Variants in PNPLA7 observed in about 807,000 individuals in gnomAD.
The protein encoded by PNPLA7 is patatin-like phospholipase domain-containing protein 7.
A neutral mutation model predicts 161.7 loss-of-function variants in PNPLA7; 153 were observed. That is an observed-to-expected ratio of 0.95 (90% CI 0.83 to 1.08). PNPLA7 has a LOEUF of 1.08. PNPLA7 is among the 50% of genes least tolerant of loss of function. The pLI, the probability that PNPLA7 is intolerant of heterozygous loss-of-function variation, is 0.00. For missense variants in PNPLA7, 1,739 were observed against 1,856.6 expected (o/e 0.94, Z 1.16); for synonymous variants, 809 against 782.1 (o/e 1.03, Z -0.57).
chr9:137,516,580 G>A (rs1834583347), intron 11 of PNPLA7: 69 of 956,740 alleles, frequency 7.2e-5, no homozygotes, highest in Non-Finnish European at 8.6e-5. Flanking sequence ...AGGCCAAGGT[G>A]GGAGGATCAC....
intron 8 of PNPLA7, among the ~76,000 whole-genome samples, chr9:137,527,853 A>AAGTATTCCCCAGTGAAGTC (rs1349718034): frequency 4.6e-5 from 7 of 152,208 alleles, no homozygotes; most frequent in African/African-American, 7.2e-5. Flanking sequence ...AAATGTTGGG[A>AAGTATTCCCCAGTGAAGTC]AGTATTCCCC....
rs1479370197 is a variant in PNPLA7 at position 137,523,350 on chromosome 9, C to T, written c.748-493G>A. ...TGGGGTCACCGCCTAGGACAGGGAGCGCGCACTGCCGGGTCGCACGAGGCC... is the reference window on the plus strand; with the variant it reads ...TGGGGTCACCGCCTAGGACAGGGAGTGCGCACTGCCGGGTCGCACGAGGCC... On this transcript the variant is annotated intron_variant, in intron 8 of 34. Transcript: ENST00000406427. This position sits in a 1 kb window ranked among gnomAD's most constrained non-coding sequence, Gnocchi z 4.4. Among the ~76,000 whole-genome samples, 3 of 151,980 alleles carry T rather than the reference C, an allele frequency of 2.0e-5. No homozygotes were observed. The highest frequency in any genetic ancestry group is 6.5e-5 in the Admixed American group (1 of 15,268).
In PNPLA7 at chr9:137,498,251, G is replaced by C. The variant is rs751491885; in HGVS notation, c.1758-6C>G. On this transcript the variant is annotated splice_region_variant and splice_polypyrimidine_tract_variant and intron_variant, in intron 16 of 34. Coordinates refer to ENST00000406427, the MANE Select transcript of PNPLA7 (RefSeq NM_001098537.3). ...TCGGCTGCTTCCGCATGATTCTGCCGGGCAGCCCAGAGTCAATCCTGCCCC... is the reference window on the plus strand; with the variant it reads ...TCGGCTGCTTCCGCATGATTCTGCCCGGCAGCCCAGAGTCAATCCTGCCCC... 28 of 1,609,384 alleles carry C rather than the reference G, an allele frequency of 1.7e-5. No individual in the cohort carries two copies. The highest frequency in any genetic ancestry group is 2.1e-5 in the Non-Finnish European group (25 of 1,179,918).
intron 21 of PNPLA7, 72 bp from the exon 22 acceptor site, chr9:137,481,095 C>A: frequency 6.7e-7 from 1 of 1,497,650 alleles, no homozygotes; most frequent in East Asian, 2.5e-5. Flanking sequence ...GCACCGACAC[C>A]CAGCAAGGTA....
chr9:137,462,063 CG>C, intron 31 of PNPLA7, 22 bp from the exon 32 acceptor site: 1 of 1,554,430 alleles, frequency 6.4e-7, no homozygotes, highest in African/African-American at 1.4e-5. Context: ...CCCAGGGCCC[CG>C]TCAGGAGGTG....
chr9:137,544,732 C>T (rs1836395991), intron 4 of PNPLA7, among the ~76,000 whole-genome samples: 1 of 152,198 alleles, frequency 6.6e-6, no homozygotes, highest in African/African-American at 2.4e-5. Flanking sequence ...CAACCTCCGC[C>T]TCCTGGGTCC....
In PNPLA7 at chr9:137,547,056, C is replaced by T; in HGVS notation, c.194-147G>A. 1 of 790,786 alleles carries T rather than the reference C, an allele frequency of 1.3e-6. No individual in the cohort carries two copies. The highest frequency in any genetic ancestry group is 2.1e-6 in the Non-Finnish European group (1 of 485,232). The allele number at this position is 790,786 out of a possible 1,614,324, so 49.0% of individuals were successfully genotyped here. On this transcript the variant is annotated intron_variant, in intron 3 of 34. Transcript: ENST00000406427. The surrounding 1 kb of genome is among the most constrained non-coding windows in gnomAD (Gnocchi z 4.6). ...GCATGAGGGAAGAGGGCCTGAGTGA[C>T]AGGCTCATCTCCAACAAAGGGGGCT...
Position 137,545,836 on chromosome 9 carries a change from G to A in PNPLA7, c.273+994C>T, listed in dbSNP as rs141082300. Among the ~76,000 whole-genome samples, 427 of 145,678 alleles carry A rather than the reference G, an allele frequency of 2.9e-3. 2 individuals carry two copies. Among genetic ancestry groups the A allele is most frequent in the South Asian group, 0.018 (82 of 4,512 alleles). ...TCCTTGGTCTAGTGGTGACGCCAGC[G>A]TCTGGGAAGATGCCTGTTGCCAAGC... On this transcript the variant is annotated intron_variant, in intron 4 of 34. Transcript: ENST00000406427.
Position 137,547,249 on chromosome 9 carries a change from C to G in PNPLA7, c.193+60G>C. 6.5e-7 allele frequency: 1 copy of G among 1,530,864 alleles called. No homozygotes were observed. The allele number at this position is 1,530,864 out of a possible 1,614,324, so 94.8% of individuals were successfully genotyped here. A position where few individuals can be genotyped will look rare whatever the true frequency, so the allele number is the denominator to read the frequency against. Reference sequence around the variant, plus strand: ...CCCCTCCCAGGGGCTCAAAACACATCCCAAGACACCCACGCTTTCCCCCAA... The same window carrying G: ...CCCCTCCCAGGGGCTCAAAACACATGCCAAGACACCCACGCTTTCCCCCAA... On this transcript the variant is annotated intron_variant, in intron 3 of 34. Transcript: ENST00000406427. The surrounding 1 kb of genome is among the most constrained non-coding windows in gnomAD (Gnocchi z 4.6).
rs757389739 is a variant in PNPLA7, at chr9:137,541,279, C to T, written c.667-557G>A. On this transcript the variant is annotated intron_variant, in intron 7 of 34. Transcript: ENST00000406427. The surrounding 1 kb of genome is among the most constrained non-coding windows in gnomAD (Gnocchi z 4.4). ...CACGGGTTCTGGTCCTTCAGGAGGG[C>T]CCCGCACGAGCGGCAACGAAAGCCG... 5.6e-4 allele frequency: 139 copies of T among 248,224 alleles called. 2 individuals are homozygous for T. Among genetic ancestry groups the T allele is most frequent in the Admixed American group, 2.0e-4 (3 of 15,368 alleles). The allele number at this position is 248,224 out of a possible 1,614,324, so 15.4% of individuals were successfully genotyped here.
chr9:137,501,507 C>T (rs1387577606), intron 15 of PNPLA7, 143 bp downstream of exon 15: 7 of 795,100 alleles, frequency 8.8e-6, no homozygotes, highest in Non-Finnish European at 1.4e-5. Context: ...AGGGGCTCTG[C>T]CATGGTGCCC....
chr9:137,491,349 G>A (rs1476795705), intron 20 of PNPLA7: 26 of 518,716 alleles, frequency 5.0e-5, no homozygotes, highest in South Asian at 2.5e-4. Flanking sequence ...AATGGAAGAC[G>A]TAACAGAATA....
At chr9:137,494,587 A>ACCCTCACCTGCGCCCTG (rs1832939127) in intron 19 of PNPLA7, among the ~76,000 whole-genome samples, 2 of 137,036 alleles carry the variant, frequency 1.5e-5, no homozygotes, top group African/African-American at 5.5e-5. Flanking sequence ...CCTGCTCCGC[A>ACCCTCACCTGCGCCCTG]CCCTCACCTG....
Position 137,523,381 on chromosome 9 carries a change from G to C in PNPLA7, c.748-524C>G, listed in dbSNP as rs1027199823. ...CTGCCGGGTCGCACGAGGCCCAGGT[G>C]AGGAGCCACAGTGGCTCACCGCGTG... On this transcript the variant is annotated intron_variant, in intron 8 of 34. Coordinates refer to ENST00000406427, the MANE Select transcript of PNPLA7 (RefSeq NM_001098537.3). The surrounding 1 kb of genome is among the most constrained non-coding windows in gnomAD (Gnocchi z 4.4). 1.3e-5 allele frequency among the ~76,000 whole-genome samples: 2 copies of C among 152,202 alleles called. No individual in the cohort carries two copies. Among genetic ancestry groups the C allele is most frequent in the Non-Finnish European group, 2.9e-5 (2 of 68,026 alleles).
intron 14 of PNPLA7, among the ~76,000 whole-genome samples, chr9:137,503,827 A>AG (rs1833694147): frequency 1.1e-4 from 2 of 18,402 alleles, no homozygotes; most frequent in Non-Finnish European, 2.3e-4. Flanking sequence ...TGAAGGAAGA[A>AG]GAAAGAAGCA....
At chr9:137,493,404 C>T (rs1176342913) in intron 19 of PNPLA7, among the ~76,000 whole-genome samples, 1 of 152,232 alleles carries the variant, frequency 6.6e-6, no homozygotes, top group East Asian at 1.9e-4. Context: ...CAGACAACTC[C>T]AAGCAAGCCA....
Position 137,543,373 on chromosome 9 carries a change from G to A in PNPLA7, c.506+59C>T. ...ACGGCCAAGCTGGAGCCAGGCCCCA[G>A]CGAGAAGCCCGGGGCTATGGGAGCT... On this transcript the variant is annotated intron_variant, in intron 6 of 34. Coordinates refer to ENST00000406427, the MANE Select transcript of PNPLA7 (RefSeq NM_001098537.3). This position sits in a 1 kb window ranked among gnomAD's most constrained non-coding sequence, Gnocchi z 6.9. The A allele has an allele frequency of 1.2e-6, 2 of 1,608,420 alleles. No individual in the cohort carries two copies. The highest frequency in any genetic ancestry group is 2.2e-5 in the South Asian group (2 of 90,570).
At chr9:137,491,941 G>T (rs958520357) in intron 20 of PNPLA7, 1 of 985,358 alleles carries the variant, frequency 1.0e-6, no homozygotes, top group Non-Finnish European at 1.2e-6. Flanking sequence ...GTGCTGAGAC[G>T]GAGATGCAGG....
At chr9:137,487,929 C>A (rs1005433423) in intron 20 of PNPLA7, among the ~76,000 whole-genome samples, 1 of 152,246 alleles carries the variant, frequency 6.6e-6, no homozygotes, top group Non-Finnish European at 1.5e-5. Context: ...TGCAGCTGAG[C>A]CTTGGCCACA....
Sources: gnomAD v4.1 joint callset for allele counts (sites outside exome capture counted in the v4.1 genomes callset) on GRCh38, gnomAD v4.1.1 for gene constraint, Gnocchi (gnomAD v3.1) non-coding constraint, MANE v1.5 for transcripts, NCBI Gene and HGNC (gene_info 2026-07-23, HGNC 2026-07-21) for gene names.